Variants in ZC3H15 observed in about 807,000 individuals in gnomAD.
The protein encoded by ZC3H15 is zinc finger CCCH domain-containing protein 15.
ZC3H15 carries 15 observed loss-of-function variants against 51.2 expected under a neutral mutation model. The observed-to-expected ratio is 0.29, with a 90% confidence interval of 0.20 to 0.45. ZC3H15 has a LOEUF of 0.45. ZC3H15 is among the 20% of genes least tolerant of loss of function. The pLI is 1.00. For missense variants in ZC3H15, 381 were observed against 494.7 expected (o/e 0.77, Z 2.18); for synonymous variants, 144 against 162.8 (o/e 0.88, Z 0.88).
chr2:186,498,255 G>T (rs946256097), intron 2 of ZC3H15, among the ~76,000 whole-genome samples: 2 of 152,200 alleles, frequency 1.3e-5, no homozygotes, highest in South Asian at 4.2e-4. Flanking sequence ...GTGGGAAGAG[G>T]AGAAAAAAGA....
intron 1 of ZC3H15, chr2:186,488,708 T>G (rs1574420716): frequency 6.6e-6 from 1 of 152,040 alleles, no homozygotes; most frequent in Admixed American, 6.6e-5. Flanking sequence ...GCTAATGGAG[T>G]CATCTGTAGG....
chr2:186,501,081 G>T (rs969690726), intron 3 of ZC3H15, among the ~76,000 whole-genome samples, 192 bp from the exon 4 acceptor site: 3 of 152,094 alleles, frequency 2.0e-5, no homozygotes, highest in African/African-American at 7.2e-5. Flanking sequence ...CAGAATAAAA[G>T]AAACAAAAGT....
chr2:186,508,596 G>A lies in ZC3H15; in HGVS notation c.1144G>A (p.Asp382Asn). The A allele has an allele frequency of 6.2e-7, 1 of 1,614,040 alleles. No individual in the cohort carries two copies. The highest frequency in any genetic ancestry group is 8.5e-7 in the Non-Finnish European group (1 of 1,179,976). Residue 382 changes from aspartate (D) to asparagine (N), a missense_variant, in exon 10 of 10, where the codon GAC (aspartate) becomes AAC (asparagine). By Grantham distance (23) the Asp-to-Asn change is conservative (BLOSUM62 1). This residue lies in a region of ZC3H15 where 215 missense variants were observed against 241.8 expected (regional missense o/e 0.89). Coordinates refer to ENST00000337859, the MANE Select transcript of ZC3H15 (RefSeq NM_018471.3). ...TAGGGCTGAAAATGGTGAAAGAAGT[G>A]ACTTGGAAGAGGACAACGAGAGGGA... is the stretch of plus-strand genomic sequence containing the variant. Reference protein sequence around the residue: ...GGRAENGERSDLEEDNEREGT... With the variant: ...GGRAENGERSNLEEDNEREGT...
intron 1 of ZC3H15, among the ~76,000 whole-genome samples, chr2:186,487,722 T>C (rs1293690474): frequency 6.6e-6 from 1 of 152,240 alleles, no homozygotes; most frequent in Non-Finnish European, 1.5e-5. Context: ...CATTCACTTT[T>C]ATGAAAACCA....
At chr2:186,490,909 C>T (rs1420119686) in intron 1 of ZC3H15, among the ~76,000 whole-genome samples, 1 of 152,162 alleles carries the variant, frequency 6.6e-6, no homozygotes, top group African/African-American at 2.4e-5. Flanking sequence ...ATCATGTTAA[C>T]TTTTGGGACC....
chr2:186,497,188 T>A (rs1685296481), intron 2 of ZC3H15: 1 of 419,412 alleles, frequency 2.4e-6, no homozygotes, highest in African/African-American at 2.1e-5. Context: ...CACATTTTTG[T>A]AATGTAGGAG....
chr2:186,487,634 CTG>C (rs1328246818), intron 1 of ZC3H15, among the ~76,000 whole-genome samples: 1 of 152,186 alleles, frequency 6.6e-6, no homozygotes, highest in East Asian at 1.9e-4. Context: ...ACCTTCACAT[CTG>C]TGTTTTCTAT....
chr2:186,503,938 G>A lies in ZC3H15; in HGVS notation c.535-94G>A, dbSNP rs143512795. The A allele has an allele frequency of 1.2e-4, 115 of 985,896 alleles. No individual in the cohort carries two copies. The East Asian group carries it at 2.8e-3, about 24-fold the overall frequency. 61.1% of individuals were successfully genotyped at this position (985,896 alleles called of 1,614,324 possible). ...ATAGAATGTACTTGTGTAATATAAC[G>A]TACTTGTGTGTATACTTGTTCCATA... On this transcript the variant is annotated intron_variant, in intron 5 of 9. Transcript: ENST00000337859.
In ZC3H15 at chr2:186,500,301, T is replaced by G; in HGVS notation, c.289+8T>G. ...CTCAAAAAATAAGTAAAGGTAAACTTAAAATTTCAGAAGTGTGATTTTTTA... is the reference window on the plus strand; with the variant it reads ...CTCAAAAAATAAGTAAAGGTAAACTGAAAATTTCAGAAGTGTGATTTTTTA... On this transcript the variant is annotated splice_region_variant and intron_variant, in intron 3 of 9. Transcript: ENST00000337859. 6.3e-7 allele frequency: 1 copy of G among 1,588,498 alleles called. No homozygotes were observed. Among genetic ancestry groups the G allele is most frequent in the Non-Finnish European group, 8.6e-7 (1 of 1,168,818 alleles).
At chr2:186,490,794 A>AAC (rs1484073607) in intron 1 of ZC3H15, among the ~76,000 whole-genome samples, 2 of 152,184 alleles carry the variant, frequency 1.3e-5, no homozygotes, top group Non-Finnish European at 2.9e-5. Flanking sequence ...ACTGAGTGTT[A>AAC]AGGCTCTTGG....
At chr2:186,507,504 T>C (rs1466988613) in intron 9 of ZC3H15, 1 of 456,296 alleles carries the variant, frequency 2.2e-6, no homozygotes, top group African/African-American at 2.0e-5. Context: ...GATAAAAGAT[T>C]AGTTATAGAA....
chr2:186,491,326 G>T (rs1685196327), intron 1 of ZC3H15, among the ~76,000 whole-genome samples: 1 of 152,138 alleles, frequency 6.6e-6, no homozygotes, highest in South Asian at 2.1e-4. Context: ...AAGGAGAGAA[G>T]AGAGACAAGC....
chr2:186,501,226 A>T, intron 3 of ZC3H15, 47 bp from the exon 4 acceptor site: 14 of 1,511,548 alleles, frequency 9.3e-6, no homozygotes, highest in Non-Finnish European at 1.2e-5. Flanking sequence ...TCTATACTTT[A>T]CAGCCTGGCA....
At position 186,486,357 on chromosome 2, in the gene ZC3H15, T is replaced by A. The variant is rs771307747; in HGVS notation, c.-26T>A. 18 of 1,526,598 alleles carry A rather than the reference T, an allele frequency of 1.2e-5. No homozygotes were observed. The highest frequency in any genetic ancestry group is 1.6e-5 in the Non-Finnish European group (18 of 1,132,160). The allele number at this position is 1,526,598 out of a possible 1,614,324, so 94.6% of individuals were successfully genotyped here. A position where few individuals can be genotyped will look rare whatever the true frequency, so the allele number is the denominator to read the frequency against. On this transcript the variant is annotated 5_prime_UTR_variant, in exon 1 of 10. Transcript: ENST00000337859. ...CTGACGGTATTCAGCTGCGCGTAAG[T>A]CTGGCCGGTGCCATCTGTCTCCGCA...
chr2:186,506,928 A>G, intron 9 of ZC3H15, 92 bp downstream of exon 9: 1 of 1,347,278 alleles, frequency 7.4e-7, no homozygotes, highest in Middle Eastern at 1.9e-4. Context: ...GTGTGCAGGT[A>G]CCAGATTGGT....
intron 2 of ZC3H15, among the ~76,000 whole-genome samples, chr2:186,498,711 G>A (rs965398981): frequency 6.6e-6 from 1 of 152,022 alleles, no homozygotes; most frequent in African/African-American, 2.4e-5. Flanking sequence ...CTTCTTTGAT[G>A]TTTCTAGGTC....
chr2:186,503,996 C>A, intron 5 of ZC3H15, 36 bp from the exon 6 acceptor site: 1 of 1,509,378 alleles, frequency 6.6e-7, no homozygotes. Context: ...ATGGCCTACA[C>A]TGAGCCACCG....
chr2:186,502,729 C>T (rs1559011683), intron 5 of ZC3H15, 142 bp downstream of exon 5: 5 of 617,036 alleles, frequency 8.1e-6, no homozygotes, highest in Non-Finnish European at 1.3e-5. Context: ...GTACACGAAG[C>T]TTTATTTTTG....
intron 1 of ZC3H15, among the ~76,000 whole-genome samples, chr2:186,494,641 A>G (rs1393555347): frequency 3.9e-5 from 6 of 152,226 alleles, no homozygotes; most frequent in Non-Finnish European, 7.3e-5. Context: ...CACATCCCAT[A>G]GAACTGATAT....
Sources: allele counts gnomAD v4.1 joint callset (sites outside exome capture counted in the v4.1 genomes callset), GRCh38; gene constraint gnomAD v4.1.1; regional missense constraint gnomAD v4.1.1; transcripts MANE v1.5; gene names NCBI Gene and HGNC (gene_info 2026-07-23, HGNC 2026-07-21).